Variants in OR3A2 observed in about 807,000 individuals in gnomAD.
OR3A2 encodes olfactory receptor family 3 subfamily A member 2.
For missense variants in OR3A2, 318 were observed against 392.8 expected, an observed-to-expected ratio of 0.81 and a Z score of 1.61; for synonymous variants, 126 against 159.3, an observed-to-expected ratio of 0.79 and a Z score of 1.57.
intron 2 of OR3A2, among the ~76,000 whole-genome samples, chr17:3,369,805 CT>C (rs35233474): frequency 5.9e-4 from 79 of 134,650 alleles, no homozygotes; most frequent in Non-Finnish European, 6.4e-4. Flanking sequence ...TAGATTGGTA[CT>C]TTTTTTTTTT....
chr17:3,313,379 C>T (rs2049059336), intron 3 of OR3A2, among the ~76,000 whole-genome samples: 2 of 152,242 alleles, frequency 1.3e-5, no homozygotes, highest in African/African-American at 4.8e-5. Context: ...GACTCTCTTA[C>T]ACCATTGTCC....
chr17:3,336,876 C>T (rs935648225), intron 2 of OR3A2, among the ~76,000 whole-genome samples: 6 of 152,152 alleles, frequency 3.9e-5, no homozygotes, highest in African/African-American at 1.2e-4. Flanking sequence ...ACGCTGCATC[C>T]CTCCTCACTC....
chr17:3,341,870 G>C (rs1054208688), intron 2 of OR3A2, among the ~76,000 whole-genome samples: 16 of 152,118 alleles, frequency 1.1e-4, no homozygotes, highest in Non-Finnish European at 2.4e-4. Context: ...TTCCAGCTTC[G>C]TTCCATTTTC....
At chr17:3,292,819 C>T (rs1013124018) in intron 3 of OR3A2, among the ~76,000 whole-genome samples, 3 of 152,002 alleles carry the variant, frequency 2.0e-5, no homozygotes, top group South Asian at 4.1e-4. Context: ...CACTCTGGAC[C>T]TCCCTCCTCC....
At chr17:3,309,345 C>A (rs547680089) in intron 3 of OR3A2, among the ~76,000 whole-genome samples, 4 of 152,150 alleles carry the variant, frequency 2.6e-5, no homozygotes, top group African/African-American at 7.2e-5. Context: ...TTGGATGATG[C>A]GTAATTAGAA....
chr17:3,383,998 A>G (rs1231457019), intron 1 of OR3A2: 1 of 71,180 alleles, frequency 1.4e-5, no homozygotes, highest in Middle Eastern at 7.5e-3. Context: ...TGTATACAAT[A>G]TTTATTGAAT....
chr17:3,324,291 GC>G (rs1438352014), intron 3 of OR3A2, among the ~76,000 whole-genome samples: 3 of 151,804 alleles, frequency 2.0e-5, no homozygotes, highest in Admixed American at 1.3e-4. Context: ...TAACTTCTTT[GC>G]CATTGGTTCG....
At chr17:3,280,914 T>C (rs559417192) in intron 1 of OR3A2, among the ~76,000 whole-genome samples, 24 of 152,272 alleles carry the variant, frequency 1.6e-4, no homozygotes, top group South Asian at 8.3e-4. Flanking sequence ...GGCACGGTCT[T>C]AACTGGTCTC....
chr17:3,291,580 AG>A (rs2048867067), intron 3 of OR3A2: 2 of 1,418,970 alleles, frequency 1.4e-6, no homozygotes, highest in Admixed American at 4.5e-5. Context: ...TTCTGGCTCT[AG>A]AAGACTTTTC....
intron 2 of OR3A2, among the ~76,000 whole-genome samples, chr17:3,360,821 C>A (rs936509225): frequency 6.6e-6 from 1 of 151,628 alleles, no homozygotes; most frequent in Admixed American, 6.6e-5. Flanking sequence ...GTTACTGTAA[C>A]CTTGTAGTAT....
At chr17:3,346,651 T>C (rs1423231217) in intron 2 of OR3A2, among the ~76,000 whole-genome samples, 1 of 152,132 alleles carries the variant, frequency 6.6e-6, no homozygotes, top group African/African-American at 2.4e-5. Flanking sequence ...CCATGGTTTT[T>C]TTTTTTGTAC....
chr17:3,347,305 A>G (rs905657015), intron 2 of OR3A2, among the ~76,000 whole-genome samples: 16 of 152,120 alleles, frequency 1.1e-4, no homozygotes, highest in African/African-American at 3.6e-4. Context: ...CAGGTTAGTT[A>G]CATATGTATA....
At chr17:3,332,464 C>G (rs1161627185) in intron 3 of OR3A2, among the ~76,000 whole-genome samples, 1 of 152,232 alleles carries the variant, frequency 6.6e-6, no homozygotes, top group Non-Finnish European at 1.5e-5. Context: ...ACCTGATTTT[C>G]CAGGTGCGTC....
intron 2 of OR3A2, among the ~76,000 whole-genome samples, chr17:3,358,766 G>A (rs548099804): frequency 2.6e-4 from 39 of 151,854 alleles, no homozygotes; most frequent in Non-Finnish European, 4.6e-4. Flanking sequence ...GTTTTGGGGT[G>A]CAGAGTTTTG....
intron 2 of OR3A2, among the ~76,000 whole-genome samples, chr17:3,337,290 T>C (rs200238239): frequency 6.6e-6 from 1 of 152,332 alleles, no homozygotes; most frequent in East Asian, 1.9e-4. Flanking sequence ...AAATTATTAT[T>C]GTACTTTAAG....
intron 3 of OR3A2, among the ~76,000 whole-genome samples, chr17:3,308,778 A>G (rs2049017541): frequency 6.6e-6 from 1 of 152,132 alleles, no homozygotes; most frequent in Non-Finnish European, 1.5e-5. Context: ...ATTGGGAAAT[A>G]TCTTCCTCTG....
chr17:3,282,854 C>T (rs2048785754), intron 1 of OR3A2, among the ~76,000 whole-genome samples: 1 of 152,228 alleles, frequency 6.6e-6, no homozygotes, highest in Non-Finnish European at 1.5e-5. Flanking sequence ...CTTCCAGCTC[C>T]TTGCTCATGC....
intron 2 of OR3A2, among the ~76,000 whole-genome samples, chr17:3,353,871 AG>A (rs142101255): frequency 0.045 from 6,839 of 151,258 alleles, 519 homozygotes; most frequent in African/African-American, 0.15. Context: ...TATTGACTAT[AG>A]TCACCCCACT....
intron 2 of OR3A2, among the ~76,000 whole-genome samples, chr17:3,382,847 G>C (rs1187614486): frequency 1.3e-5 from 2 of 152,176 alleles, no homozygotes; most frequent in Non-Finnish European, 2.9e-5. Context: ...CTTTGTTCAT[G>C]CAGTTAGTGT....
Sources: allele counts gnomAD v4.1 joint callset (sites outside exome capture counted in the v4.1 genomes callset), GRCh38; gene constraint gnomAD v4.1.1; transcripts MANE v1.5; gene names NCBI Gene and HGNC (gene_info 2026-07-23, HGNC 2026-07-21).